The following TAFA2 variants were observed in gnomAD, a reference collection of about 807,000 sequenced individuals.
TAFA2 encodes chemokine-like protein TAFA-2.
TAFA2 carries 7 observed loss-of-function variants against 18.8 expected under a neutral mutation model. The ratio of observed to expected loss-of-function variants is 0.37; its 90% CI spans 0.21 to 0.70. TAFA2 has a LOEUF of 0.70. Ranked by LOEUF, TAFA2 falls within the 30% of genes least tolerant of loss-of-function variation. The pLI, the probability that TAFA2 is intolerant of heterozygous loss-of-function variation, is 0.53. For synonymous variants in TAFA2, 60 were observed against 54.2 expected (o/e 1.11, Z -0.47); for missense variants, 122 against 158.1 (o/e 0.77, Z 1.23).
At chr12:61,825,590 T>C (rs1292747774) in intron 2 of TAFA2, among the ~76,000 whole-genome samples, 3 of 151,912 alleles carry the variant, frequency 2.0e-5, no homozygotes, top group South Asian at 2.1e-4. Context: ...AGTAGGTTAG[T>C]AGAAAAAATG....
chr12:61,763,653 A>G (rs1288912733), intron 2 of TAFA2, among the ~76,000 whole-genome samples: 1 of 151,932 alleles, frequency 6.6e-6, no homozygotes, highest in Non-Finnish European at 1.5e-5. Context: ...GAACAGACAC[A>G]TGGAAATTGA....
intron 1 of TAFA2, among the ~76,000 whole-genome samples, chr12:62,009,839 A>G (rs539042356): frequency 1.3e-5 from 2 of 152,288 alleles, no homozygotes; most frequent in African/African-American, 4.8e-5. Flanking sequence ...TAATTATCCA[A>G]CCATATGGAA....
In TAFA2 at chr12:61,915,410, C is replaced by T. The variant is rs190097902; in HGVS notation, c.-1-47984G>A. Among the ~76,000 whole-genome samples, 210 of 152,270 alleles carry T rather than the reference C, an allele frequency of 1.4e-3. 1 individual carries two copies. The highest frequency in any genetic ancestry group is 1.9e-4 in the Non-Finnish European group (13 of 68,022). ...ATTTATTGGTACAAACTCTTTTTCC[C>T]AGTAGATCCTGGTTCTGAGCCATGT... On this transcript the variant is annotated intron_variant, in intron 1 of 4. Transcript: ENST00000416284.
intron 1 of TAFA2, among the ~76,000 whole-genome samples, chr12:62,037,781 G>A (rs1371753495): frequency 2.6e-5 from 4 of 152,172 alleles, no homozygotes; most frequent in African/African-American, 9.7e-5. Flanking sequence ...TAATTGGACA[G>A]GGATAAATAT....
intron 2 of TAFA2, chr12:61,827,356 A>C (rs2121078172): frequency 6.6e-6 from 1 of 152,178 alleles, no homozygotes; most frequent in South Asian, 2.1e-4. Context: ...ATGTTGCTGA[A>C]CTTATAGCCA....
chr12:62,121,207 T>C (rs1870181183), intron 1 of TAFA2, among the ~76,000 whole-genome samples: 1 of 152,174 alleles, frequency 6.6e-6, no homozygotes, highest in East Asian at 1.9e-4. Context: ...TCTTCCATGA[T>C]AACCCCTACC....
intron 1 of TAFA2, among the ~76,000 whole-genome samples, chr12:62,074,561 T>G (rs559010157): frequency 1.3e-5 from 2 of 152,242 alleles, no homozygotes; most frequent in African/African-American, 4.8e-5. Context: ...TGCCATAAAA[T>G]TAAGAAAGTC....
intron 1 of TAFA2, among the ~76,000 whole-genome samples, chr12:61,904,884 C>T (rs769848936): frequency 9.2e-5 from 14 of 152,144 alleles, no homozygotes; most frequent in Middle Eastern, 3.2e-3. Flanking sequence ...GTTTCATTGT[C>T]CTCAAGTCTT....
intron 1 of TAFA2, among the ~76,000 whole-genome samples, chr12:62,182,079 A>G (rs1232231128): frequency 4.0e-5 from 6 of 151,032 alleles, no homozygotes; most frequent in Admixed American, 1.3e-4. Flanking sequence ...CCTAAAAGGA[A>G]TAAGTCACTA....
chr12:61,977,643 G>A (rs1016179903), intron 1 of TAFA2, among the ~76,000 whole-genome samples: 5 of 152,072 alleles, frequency 3.3e-5, no homozygotes, highest in African/African-American at 1.2e-4. Context: ...TGGTAGACCA[G>A]CGAAGTAAAA....
chr12:62,025,552 G>A (rs1212840909), intron 1 of TAFA2, among the ~76,000 whole-genome samples: 3 of 152,064 alleles, frequency 2.0e-5, no homozygotes, highest in Non-Finnish European at 4.4e-5. Context: ...TGGACTGTTT[G>A]TACTTAAATG....
intron 1 of TAFA2, among the ~76,000 whole-genome samples, chr12:62,244,610 G>A (rs2062876459): frequency 2.0e-5 from 3 of 152,070 alleles, no homozygotes; most frequent in Admixed American, 2.0e-4. Context: ...AATTGCTGAG[G>A]CATGAGGTTG....
intron 1 of TAFA2, among the ~76,000 whole-genome samples, chr12:61,907,047 A>T (rs1876387968): frequency 1.3e-5 from 2 of 152,240 alleles, no homozygotes; most frequent in South Asian, 4.1e-4. Context: ...AGGGACGCAG[A>T]GCATAAAAGT....
chr12:61,916,108 C>G (rs895466597), intron 1 of TAFA2, among the ~76,000 whole-genome samples: 5 of 152,142 alleles, frequency 3.3e-5, no homozygotes, highest in Non-Finnish European at 5.9e-5. Flanking sequence ...TGTCATGAAG[C>G]CCTTTGTCAC....
intron 1 of TAFA2, among the ~76,000 whole-genome samples, chr12:62,077,833 C>A (rs1868261589): frequency 6.6e-6 from 1 of 152,162 alleles, no homozygotes; most frequent in Non-Finnish European, 1.5e-5. Flanking sequence ...ATCTTCAACA[C>A]AAACCCCATT....
At chr12:61,910,527 T>C (rs759312566) in intron 1 of TAFA2, among the ~76,000 whole-genome samples, 5 of 152,122 alleles carry the variant, frequency 3.3e-5, no homozygotes, top group Non-Finnish European at 4.4e-5. Flanking sequence ...AAGATAAACA[T>C]AATCAACAAG....
intron 1 of TAFA2, among the ~76,000 whole-genome samples, chr12:61,955,634 T>A (rs10877769): frequency 0.014 from 134 of 9,246 alleles, 6 homozygotes; most frequent in East Asian, 0.031. Context: ...AAAAAAAAAA[T>A]ATATATATAT....
At chr12:62,226,053 C>T (rs1021149197) in intron 1 of TAFA2, among the ~76,000 whole-genome samples, 2 of 152,196 alleles carry the variant, frequency 1.3e-5, no homozygotes, top group African/African-American at 4.8e-5. Context: ...TACCCATTGC[C>T]TTCAAGAAGT....
intron 2 of TAFA2, among the ~76,000 whole-genome samples, chr12:61,781,167 G>T (rs1392050397): frequency 6.6e-6 from 1 of 151,760 alleles, no homozygotes; most frequent in Non-Finnish European, 1.5e-5. Context: ...CAATCAGCAG[G>T]TATAAATGGG....
Sources: gnomAD v4.1 joint callset for allele counts (sites outside exome capture counted in the v4.1 genomes callset) on GRCh38, gnomAD v4.1.1 for gene constraint, MANE v1.5 for transcripts, NCBI Gene and HGNC (gene_info 2026-07-23, HGNC 2026-07-21) for gene names.